The following ABR variants were observed in gnomAD, a reference collection of about 807,000 sequenced individuals.
The protein encoded by ABR is active breakpoint cluster region-related protein.
Under a neutral mutation model 107.2 loss-of-function variants are expected in ABR, and 35 were observed. That is an observed-to-expected ratio of 0.33 (90% CI 0.25 to 0.43). The LOEUF is 0.43. Ranked by LOEUF, ABR falls within the 20% of genes least tolerant of loss-of-function variation. The pLI is 1.00. For missense variants in ABR, 815 were observed against 1,115.2 expected (o/e 0.73, Z 3.83); for synonymous variants, 498 against 462.0 (o/e 1.08, Z -1.00).
chr17:1,074,620 T>C (rs1241796197), intron 6 of ABR, among the ~76,000 whole-genome samples: 1 of 152,170 alleles, frequency 6.6e-6, no homozygotes, highest in Non-Finnish European at 1.5e-5. Context: ...ACTGGCCTCA[T>C]CTCTCAGAGG....
Position 1,058,819 on chromosome 17 carries a change from T to C in ABR, c.1231A>G (p.Met411Val). ...AGCAGCAGGAACTCATTCTCAAACA[T>C]CTTCTTCTTCAGGCGCTCGATGGCC... ...SRAIERLKKK[M>V]FENEFLLLLN... is the part of the protein sequence containing the mutation. The change falls in exon 11 of 23, where the codon ATG becomes GTG. Residue 411 changes from methionine to valine, a missense_variant. Physicochemically the swap from Met to Val is conservative, Grantham distance 21. Around this residue, in one of 5 missense-constraint regions of ABR, gnomAD observed 385 missense variants for 596.9 expected, o/e 0.64. Coordinates refer to ENST00000302538, the MANE Select transcript of ABR (RefSeq NM_021962.5). The C allele has an allele frequency of 3.7e-6, 6 of 1,613,876 alleles. No homozygotes were observed. The highest frequency in any genetic ancestry group is 5.1e-6 in the Non-Finnish European group (6 of 1,179,946).
intron 16 of ABR, among the ~76,000 whole-genome samples, chr17:1,044,786 A>T (rs560106910): frequency 6.6e-6 from 1 of 152,026 alleles, no homozygotes; most frequent in East Asian, 1.9e-4. Context: ...CTCCCTTCAC[A>T]TTCGTGCCTC....
At chr17:1,178,773 G>C (rs960467624) in intron 1 of ABR, among the ~76,000 whole-genome samples, 1 of 151,394 alleles carries the variant, frequency 6.6e-6, no homozygotes, top group Non-Finnish European at 1.5e-5. Context: ...TAATCCCTGA[G>C]AGCTTTCGGG....
intron 16 of ABR, among the ~76,000 whole-genome samples, chr17:1,021,471 G>A (rs986520163): frequency 6.6e-6 from 1 of 152,250 alleles, no homozygotes; most frequent in Non-Finnish European, 1.5e-5. Flanking sequence ...CAGAATGCGG[G>A]AGGGTTTCCC....
intron 7 of ABR, 127 bp downstream of exon 7, chr17:1,073,498 T>C (rs913597984): frequency 1.3e-6 from 1 of 749,342 alleles, no homozygotes; most frequent in Non-Finnish European, 1.9e-6. Flanking sequence ...ACAGGCATCC[T>C]TGGAGCCTAG....
chr17:1,136,185 T>G (rs2040055225), intron 1 of ABR, among the ~76,000 whole-genome samples: 1 of 152,184 alleles, frequency 6.6e-6, no homozygotes, highest in Admixed American at 6.5e-5. Flanking sequence ...AAGGCTGTTT[T>G]GTCTACATTG....
intron 1 of ABR, among the ~76,000 whole-genome samples, chr17:1,144,767 G>C (rs2040461976): frequency 6.6e-6 from 1 of 152,024 alleles, no homozygotes; most frequent in Non-Finnish European, 1.5e-5. Flanking sequence ...AGTGGCTTCT[G>C]CCTGTAATCC....
intron 16 of ABR, among the ~76,000 whole-genome samples, chr17:1,013,511 G>C (rs1467801611): frequency 2.0e-5 from 3 of 152,162 alleles, no homozygotes; most frequent in Admixed American, 2.0e-4. Flanking sequence ...CGGGACATGG[G>C]TATTATTACC....
At chr17:1,064,238 G>A (rs1303947318) in intron 10 of ABR, among the ~76,000 whole-genome samples, 10 of 75,906 alleles carry the variant, frequency 1.3e-4, no homozygotes, top group African/African-American at 1.4e-4. Flanking sequence ...TCTAGACGCT[G>A]CTGTTATGTA....
chr17:1,116,211 C>A (rs1431787024), intron 2 of ABR, among the ~76,000 whole-genome samples: 1 of 152,124 alleles, frequency 6.6e-6, no homozygotes, highest in Non-Finnish European at 1.5e-5. Context: ...CAGAGGGAGA[C>A]GCCATCTCAA....
intron 4 of ABR, among the ~76,000 whole-genome samples, chr17:1,086,632 C>A (rs978283195): frequency 6.6e-6 from 1 of 152,022 alleles, no homozygotes; most frequent in Non-Finnish European, 1.5e-5. Flanking sequence ...TCCTGACTAA[C>A]TGGGACTACA....
chr17:1,064,601 CTA>C, intron 10 of ABR, among the ~76,000 whole-genome samples: 2 of 111,904 alleles, frequency 1.8e-5, no homozygotes, highest in Admixed American at 1.0e-4. Context: ...GAACTGAGGG[CTA>C]TGTATGTTCC....
chr17:1,207,221 T>C (rs1431345511), intron 1 of ABR, among the ~76,000 whole-genome samples: 1 of 150,754 alleles, frequency 6.6e-6, no homozygotes, highest in Non-Finnish European at 1.5e-5. Flanking sequence ...CCACTGGCAC[T>C]CCAGCCTGGG....
intron 16 of ABR, among the ~76,000 whole-genome samples, chr17:1,032,952 C>G (rs541658320): frequency 6.6e-6 from 1 of 152,312 alleles, no homozygotes; most frequent in Admixed American, 6.5e-5. Context: ...GCCTCACATT[C>G]TTGTCATGTT....
rs369896629 is a variant in ABR, at chr17:1,139,918, G to A, written c.62-14551C>T. Among the ~76,000 whole-genome samples the A allele has an allele frequency of 1.7e-4, 26 of 152,302 alleles. No individual in the cohort carries two copies. In the East Asian group the frequency reaches 4.2e-3, roughly 25 times the overall value. On this transcript the variant is annotated intron_variant, in intron 1 of 22. Coordinates refer to ENST00000302538, the MANE Select transcript of ABR (RefSeq NM_021962.5). Reference sequence around the variant, plus strand: ...GCAGGGTATCAGCGTGCAGAATGGGGGCAGGACGCAGGAGGTTGGCCCTGA... The same window carrying A: ...GCAGGGTATCAGCGTGCAGAATGGGAGCAGGACGCAGGAGGTTGGCCCTGA...
At chr17:1,147,362 TTG>T (rs2040597874) in intron 1 of ABR, among the ~76,000 whole-genome samples, 1 of 125,914 alleles carries the variant, frequency 7.9e-6, no homozygotes, top group Non-Finnish European at 1.8e-5. Context: ...GGGGTTTTGG[TTG>T]TTTTTTTTTT....
intron 1 of ABR, among the ~76,000 whole-genome samples, chr17:1,127,421 T>A (rs1258398307): frequency 6.6e-6 from 1 of 152,122 alleles, no homozygotes; most frequent in African/African-American, 2.4e-5. Context: ...TGTCTGTGGC[T>A]GAAGGGATGT....
intron 2 of ABR, 67 bp from the exon 3 acceptor site, chr17:1,100,802 T>G: frequency 6.9e-7 from 1 of 1,459,038 alleles, no homozygotes; most frequent in Non-Finnish European, 9.6e-7. Context: ...GTGGACGGTC[T>G]GCTTCCCTGC....
At chr17:1,038,126 C>A (rs553483688) in intron 16 of ABR, among the ~76,000 whole-genome samples, 1 of 152,194 alleles carries the variant, frequency 6.6e-6, no homozygotes, top group African/African-American at 2.4e-5. Context: ...CCACCCCTCG[C>A]CTGCCTTGGG....
Sources: allele counts gnomAD v4.1 joint callset (sites outside exome capture counted in the v4.1 genomes callset), GRCh38; gene constraint gnomAD v4.1.1; regional missense constraint gnomAD v4.1.1; transcripts MANE v1.5; gene names NCBI Gene and HGNC (gene_info 2026-07-23, HGNC 2026-07-21).